The following ATP11B variants were observed in gnomAD, a reference collection of about 807,000 sequenced individuals.
ATP11B encodes phospholipid-transporting ATPase IF.
A neutral mutation model predicts 157.8 loss-of-function variants in ATP11B; 81 were observed. That is an observed-to-expected ratio of 0.51 (90% CI 0.43 to 0.62). The LOEUF is 0.62. Ranked by LOEUF, ATP11B falls within the 20% of genes least tolerant of loss-of-function variation. The probability of loss-of-function intolerance (pLI) is 0.00; values close to 1 mark genes in which losing one functional copy is unlikely to be tolerated. For missense variants in ATP11B, 1,165 were observed against 1,402.2 expected, an observed-to-expected ratio of 0.83 and a Z score of 2.70; for synonymous variants, 451 against 469.4, an observed-to-expected ratio of 0.96 and a Z score of 0.51.
chr3:182,845,362 G>T, intron 8 of ATP11B, 96 bp from the exon 9 acceptor site: 2 of 1,055,182 alleles, frequency 1.9e-6, no homozygotes, highest in South Asian at 1.6e-5. Flanking sequence ...TGGTGTTATG[G>T]CTATAGCTTA....
chr3:182,822,173 G>T (rs2108499933), intron 2 of ATP11B, among the ~76,000 whole-genome samples: 1 of 151,666 alleles, frequency 6.6e-6, no homozygotes, highest in South Asian at 2.1e-4. Flanking sequence ...CAGCGTGCAG[G>T]TTTGTTACAT....
chr3:182,804,179 G>A (rs1318895446), intron 1 of ATP11B, among the ~76,000 whole-genome samples: 1 of 151,734 alleles, frequency 6.6e-6, no homozygotes. Context: ...TTCTAGTTAT[G>A]CCTATAGTCA....
intron 4 of ATP11B, among the ~76,000 whole-genome samples, chr3:182,832,177 C>T (rs989717723): frequency 6.6e-6 from 1 of 152,064 alleles, no homozygotes; most frequent in Non-Finnish European, 1.5e-5. Context: ...CAATCAGTCT[C>T]CTTCCAAAAT....
rs761421715 is a variant in ATP11B, at chr3:182,829,710, A to G, written c.273A>G (p.Gly91=). 7 of 1,609,298 alleles carry G rather than the reference A, an allele frequency of 4.3e-6. No individual in the cohort carries two copies. The East Asian group carries it at 1.3e-4, about 31-fold the overall frequency. Residue 91 remains glycine, a synonymous_variant, in exon 4 of 30, where the codon GGA becomes GGG. Transcript: ENST00000323116. ...IDTPTSPVTS[G]LPLFFVITVT... is the part of the protein sequence containing the mutation. ...CACCTACCAGTCCAGTTACCAGTGG[A>G]CTTCCATTATTCTTTGTGATAACAG...
intron 10 of ATP11B, among the ~76,000 whole-genome samples, chr3:182,856,912 T>A (rs1002556960): frequency 2.0e-5 from 3 of 152,236 alleles, no homozygotes; most frequent in Non-Finnish European, 4.4e-5. Flanking sequence ...TTCATTATAA[T>A]AACATAACTT....
At chr3:182,874,147 T>G in intron 19 of ATP11B, 132 bp downstream of exon 19, 1 of 694,526 alleles carries the variant, frequency 1.4e-6, no homozygotes, top group Admixed American at 3.0e-5. Flanking sequence ...TTACATTTTT[T>G]GATAGATGAA....
At position 182,873,773 on chromosome 3, in the gene ATP11B, A is replaced by T. The variant is rs190665809; in HGVS notation, c.2049-39A>T. On this transcript the variant is annotated intron_variant, in intron 18 of 29. Transcript: ENST00000323116. Reference sequence around the variant, plus strand: ...AGTTTAACTTAAAATACAGTCATAAAAGTATTCTCTACTACTAATTTGTTT... The same window carrying T: ...AGTTTAACTTAAAATACAGTCATAATAGTATTCTCTACTACTAATTTGTTT... 1.1e-4 allele frequency: 170 copies of T among 1,530,608 alleles called. No homozygotes were observed. The East Asian group carries it at 3.4e-3, about 31-fold the overall frequency. 94.8% of individuals were successfully genotyped at this position (1,530,608 alleles called of 1,614,324 possible).
chr3:182,860,502 G>A (rs1195770770), intron 12 of ATP11B, among the ~76,000 whole-genome samples: 1 of 151,924 alleles, frequency 6.6e-6, no homozygotes, highest in African/African-American at 2.4e-5. Context: ...TTGTTTCATG[G>A]GCAATTAACT....
rs1367221361 is a variant in ATP11B, at chr3:182,918,272, C to A, written c.*168C>A. ...AACAAACAGAAAGCATTAGTACAAG[C>A]CCCTCCCAACACCCTTAATTTGAAT... On this transcript the variant is annotated 3_prime_UTR_variant, in exon 30 of 30. Coordinates refer to ENST00000323116, the MANE Select transcript of ATP11B (RefSeq NM_014616.3). 4 of 845,664 alleles carry A rather than the reference C, an allele frequency of 4.7e-6. No homozygotes were observed. Among genetic ancestry groups the A allele is most frequent in the Non-Finnish European group, 5.1e-6 (3 of 588,760 alleles). 52.4% of individuals were successfully genotyped at this position (845,664 alleles called of 1,614,324 possible). A position where few individuals can be genotyped will look rare whatever the true frequency, so the allele number is the denominator to read the frequency against.
chr3:182,894,395 A>T (rs541318329), intron 25 of ATP11B, among the ~76,000 whole-genome samples: 4 of 152,152 alleles, frequency 2.6e-5, no homozygotes, highest in Non-Finnish European at 5.9e-5. Flanking sequence ...TATGTTGGTA[A>T]GGCTGGTCAC....
intron 28 of ATP11B, among the ~76,000 whole-genome samples, chr3:182,908,204 T>C (rs936200123): frequency 4.3e-5 from 6 of 137,984 alleles, no homozygotes; most frequent in South Asian, 2.4e-4. Context: ...TTCTTTTTTT[T>C]TTTTTTTTTT....
At chr3:182,847,086 T>A (rs567359144) in intron 9 of ATP11B, among the ~76,000 whole-genome samples, 1 of 150,846 alleles carries the variant, frequency 6.6e-6, no homozygotes, top group African/African-American at 2.4e-5. Flanking sequence ...ATGGTTACTC[T>A]GTTGCCCAGG....
At chr3:182,880,664 G>A (rs901479565) in intron 20 of ATP11B, among the ~76,000 whole-genome samples, 1 of 152,002 alleles carries the variant, frequency 6.6e-6, no homozygotes, top group Non-Finnish European at 1.5e-5. Flanking sequence ...AAAATCCAAA[G>A]ATAATTCTCT....
chr3:182,863,329 A>ATC lies in ATP11B; in HGVS notation c.1201-2126_1201-2125insCT, dbSNP rs1720993371. Among the ~76,000 whole-genome samples the ATC allele has an allele frequency of 2.0e-5, 3 of 152,224 alleles. No individual in the cohort carries two copies. In the South Asian group the frequency reaches 6.2e-4, roughly 32 times the overall value. On this transcript the variant is annotated intron_variant, in intron 12 of 29. Coordinates refer to ENST00000323116, the MANE Select transcript of ATP11B (RefSeq NM_014616.3). ...TAAAGGCCCATTTTTACTTTTCTGA[A>ATC]TAAATTTTTCCAATCTGCCTTTGAC...
At chr3:182,876,448 A>G (rs1722047456) in intron 19 of ATP11B, among the ~76,000 whole-genome samples, 1 of 152,060 alleles carries the variant, frequency 6.6e-6, no homozygotes, top group South Asian at 2.1e-4. Flanking sequence ...CGTAGAGTAC[A>G]CTCTTAAAGT....
chr3:182,830,238 G>A (rs1317764630), intron 4 of ATP11B, among the ~76,000 whole-genome samples: 2 of 151,558 alleles, frequency 1.3e-5, no homozygotes, highest in South Asian at 2.1e-4. Context: ...TGGGAGGAAC[G>A]CTTGAGCCCA....
chr3:182,808,740 A>ATGTTTAT (rs1716477522), intron 1 of ATP11B, among the ~76,000 whole-genome samples: 1 of 152,066 alleles, frequency 6.6e-6, no homozygotes, highest in East Asian at 1.9e-4. Flanking sequence ...CATAAACTTT[A>ATGTTTAT]TTTTAGAATG....
At chr3:182,891,314 A>T (rs1020297043) in intron 25 of ATP11B, among the ~76,000 whole-genome samples, 3 of 152,180 alleles carry the variant, frequency 2.0e-5, no homozygotes, top group African/African-American at 7.2e-5. Context: ...TTAATTTTTA[A>T]AAGTAATATG....
At position 182,838,055 on chromosome 3, in the gene ATP11B, G is replaced by A. The variant is rs149226665; in HGVS notation, c.656+881G>A. Among the ~76,000 whole-genome samples the A allele has an allele frequency of 4.3e-4, 66 of 152,124 alleles. No individual in the cohort carries two copies. In the East Asian group the frequency reaches 0.011, roughly 24 times the overall value. ...TATATCTCCCCCTGTTGGTTGAAATGTTTCAAAGTCTTTAGCCGTTGGCTT... is the reference window on the plus strand; with the variant it reads ...TATATCTCCCCCTGTTGGTTGAAATATTTCAAAGTCTTTAGCCGTTGGCTT... On this transcript the variant is annotated intron_variant, in intron 7 of 29. Transcript: ENST00000323116.
Sources: allele counts gnomAD v4.1 joint callset (sites outside exome capture counted in the v4.1 genomes callset), GRCh38; gene constraint gnomAD v4.1.1; transcripts MANE v1.5; gene names NCBI Gene and HGNC (gene_info 2026-07-23, HGNC 2026-07-21).